The following ARHGAP32 variants were observed in gnomAD, a reference collection of about 807,000 sequenced individuals.
ARHGAP32 encodes rho GTPase-activating protein 32.
A neutral mutation model predicts 186.5 loss-of-function variants in ARHGAP32; 51 were observed. The observed-to-expected ratio is 0.27, with a 90% CI of 0.22 to 0.35. ARHGAP32 has a LOEUF of 0.35. Among genes scored for constraint, ARHGAP32 ranks in the 10% least tolerant of loss-of-function variants. ARHGAP32 has a pLI of 1.00. For synonymous variants in ARHGAP32, 950 were observed against 964.3 expected (o/e 0.99, Z 0.27); for missense variants, 2,186 against 2,623.5 (o/e 0.83, Z 3.64).
At chr11:129,027,223 A>G (rs1333489726) in intron 11 of ARHGAP32, among the ~76,000 whole-genome samples, 1 of 152,058 alleles carries the variant, frequency 6.6e-6, no homozygotes, top group Non-Finnish European at 1.5e-5. Flanking sequence ...CACAGCTACC[A>G]TACTGGTCTA....
chr11:129,160,797 GA>G (rs1180316615), intron 2 of ARHGAP32, among the ~76,000 whole-genome samples: 12 of 152,074 alleles, frequency 7.9e-5, no homozygotes, highest in African/African-American at 2.7e-4. Context: ...CACAGAATTA[GA>G]AAAAACTACT....
intron 1 of ARHGAP32, among the ~76,000 whole-genome samples, chr11:129,241,686 G>A (rs1461845420): frequency 6.6e-6 from 1 of 152,100 alleles, no homozygotes; most frequent in Non-Finnish European, 1.5e-5. Flanking sequence ...ATACTCTACT[G>A]GATTTAGTAA....
intron 5 of ARHGAP32, among the ~76,000 whole-genome samples, chr11:129,121,046 TG>T (rs1942515411): frequency 1.3e-5 from 2 of 152,118 alleles, no homozygotes; most frequent in South Asian, 4.1e-4. Flanking sequence ...TAGAATCAAA[TG>T]TGCTAATTTT....
At position 128,981,564 on chromosome 11, in the gene ARHGAP32, G is replaced by A. The variant is rs1945707589; in HGVS notation, c.1635-3C>T. ...AGGCAGATTCTATCTGTTTTGATCTGTGAGGTAAACATTTTCATCACAGAG... is the reference window on the plus strand; with the variant it reads ...AGGCAGATTCTATCTGTTTTGATCTATGAGGTAAACATTTTCATCACAGAG... On this transcript the variant is annotated splice_polypyrimidine_tract_variant and splice_region_variant and intron_variant, in intron 16 of 22. Transcript: ENST00000682385. The A allele has an allele frequency of 6.2e-7, 1 of 1,606,588 alleles. No homozygotes were observed. Among genetic ancestry groups the A allele is most frequent in the Non-Finnish European group, 8.5e-7 (1 of 1,175,272 alleles).
intron 1 of ARHGAP32, among the ~76,000 whole-genome samples, chr11:129,218,996 C>A (rs1169600186): frequency 2.0e-5 from 3 of 152,126 alleles, no homozygotes; most frequent in East Asian, 1.9e-4. Context: ...CACGGCCAAC[C>A]CTTCAGGGAG....
chr11:129,040,344 G>A (rs1354095901), intron 11 of ARHGAP32, among the ~76,000 whole-genome samples: 2 of 151,388 alleles, frequency 1.3e-5, no homozygotes, highest in Non-Finnish European at 2.9e-5. Context: ...TTTTTTAATC[G>A]ACATCATCAA....
At chr11:128,994,134 T>C (rs889831011) in intron 12 of ARHGAP32, among the ~76,000 whole-genome samples, 5 of 152,052 alleles carry the variant, frequency 3.3e-5, no homozygotes, top group Admixed American at 6.6e-5. Flanking sequence ...GCAGGACAAA[T>C]TGGAAAACTC....
rs1438125424 is a variant in ARHGAP32, at chr11:129,062,325, G to A, written c.918C>T (p.Pro306=). 3 of 1,613,396 alleles carry A rather than the reference G, an allele frequency of 1.9e-6. No individual in the cohort carries two copies. In the African/African-American group the frequency reaches 4.0e-5, roughly 22 times the overall value. Residue 306 remains proline (P), a synonymous_variant, in exon 10 of 23, where the codon CCC becomes CCT. Transcript: ENST00000682385. ...TCCACCATGTGCTTAACACTTTCGG[G>A]GGCATGTCAATAACAGAAACAATGT... ...VGDIVSVIDM[P]PKVLSTWWRG...
At chr11:129,114,551 C>T (rs1942312658) in intron 5 of ARHGAP32, among the ~76,000 whole-genome samples, 2 of 152,062 alleles carry the variant, frequency 1.3e-5, no homozygotes, top group South Asian at 4.1e-4. Flanking sequence ...TTAATACACC[C>T]TATACATGTC....
chr11:129,049,760 T>C (rs1939962150), intron 10 of ARHGAP32, among the ~76,000 whole-genome samples: 1 of 152,206 alleles, frequency 6.6e-6, no homozygotes, highest in Non-Finnish European at 1.5e-5. Context: ...GACACCACCA[T>C]TTGTCTATTA....
intron 2 of ARHGAP32, chr11:129,125,807 T>C (rs1196511239): frequency 5.3e-6 from 2 of 375,836 alleles, no homozygotes; most frequent in African/African-American, 2.1e-5. Context: ...GTTTTTTTTT[T>C]CTTAGCAAAT....
intron 5 of ARHGAP32, among the ~76,000 whole-genome samples, chr11:129,114,146 C>T (rs575692): frequency 0.72 from 109,998 of 151,960 alleles, 40,254 homozygotes; most frequent in South Asian, 0.83. Context: ...CATGGTACTC[C>T]CTTCTCAAAA....
chr11:129,162,009 T>C (rs1162841434), intron 2 of ARHGAP32, among the ~76,000 whole-genome samples: 2 of 152,098 alleles, frequency 1.3e-5, no homozygotes, highest in Non-Finnish European at 2.9e-5. Context: ...ACATGGATGA[T>C]GCTAGAAACC....
chr11:129,099,101 GAGA>G (rs1311627942), intron 5 of ARHGAP32, among the ~76,000 whole-genome samples: 2 of 152,142 alleles, frequency 1.3e-5, no homozygotes, highest in African/African-American at 4.8e-5. Flanking sequence ...AGAAAAATGA[GAGA>G]AGTCCCTCCT....
At chr11:129,068,289 C>T (rs10893967) in intron 6 of ARHGAP32, among the ~76,000 whole-genome samples, 23,028 of 151,974 alleles carry the variant, frequency 0.15, 2,266 homozygotes, top group Non-Finnish European at 0.21. Context: ...TGCATGTATT[C>T]GATTCATGAG....
chr11:129,215,169 C>G (rs535015313), intron 1 of ARHGAP32, among the ~76,000 whole-genome samples: 6 of 152,262 alleles, frequency 3.9e-5, no homozygotes, highest in African/African-American at 1.4e-4. Context: ...ACCACAACCC[C>G]CAGCCCTCAT....
chr11:129,221,699 G>A (rs764065551), intron 1 of ARHGAP32, among the ~76,000 whole-genome samples: 1 of 151,900 alleles, frequency 6.6e-6, no homozygotes, highest in Non-Finnish European at 1.5e-5. Context: ...CCGGAGGAGA[G>A]CCTCAACCTA....
In ARHGAP32 at chr11:129,185,592, A is replaced by T. The variant is rs575835258; in HGVS notation, c.116+6491T>A. ...GTTGTGCACATGTACCCTAAAACTT[A>T]AAGTATAATAATAATAAAAAAATGA... On this transcript the variant is annotated intron_variant, in intron 1 of 22. Transcript: ENST00000682385. Among the ~76,000 whole-genome samples, 13 of 152,314 alleles carry T rather than the reference A, an allele frequency of 8.5e-5. No homozygotes were observed. In the South Asian group the frequency reaches 2.7e-3, roughly 32 times the overall value.
At chr11:128,972,198 G>GA in intron 22 of ARHGAP32, 1 of 255,340 alleles carries the variant, frequency 3.9e-6, no homozygotes, top group Non-Finnish European at 7.5e-6. Context: ...ATAAACTACC[G>GA]AGACACTTTA....
Sources: allele counts gnomAD v4.1 joint callset (sites outside exome capture counted in the v4.1 genomes callset), GRCh38; gene constraint gnomAD v4.1.1; transcripts MANE v1.5; gene names NCBI Gene and HGNC (gene_info 2026-07-23, HGNC 2026-07-21).